Variants in CERS6 observed in about 807,000 individuals in gnomAD.
CERS6 encodes LAG1 homolog, ceramide synthase 6.
In CERS6, 26 loss-of-function variants were observed where a neutral mutation model predicts 56.8. The ratio of observed to expected loss-of-function variants is 0.46; its 90% confidence interval spans 0.34 to 0.63. The LOEUF (loss-of-function observed/expected upper bound fraction) is 0.63, where lower values mean the gene tolerates loss of function less well. Ranked by LOEUF, CERS6 falls within the 30% of genes least tolerant of loss-of-function variation. The pLI is 0.01. For missense variants in CERS6, 415 were observed against 467.5 expected, an observed-to-expected ratio of 0.89 and a Z score of 1.04; for synonymous variants, 164 against 173.3, an observed-to-expected ratio of 0.95 and a Z score of 0.42.
rs537518568 is a variant in CERS6 at position 168,734,599 on chromosome 2, CATCT to C, written c.845+16625_845+16628del. Among the ~76,000 whole-genome samples the C allele has an allele frequency of 1.3e-4, 20 of 152,270 alleles. No homozygotes were observed. In the East Asian group the frequency reaches 3.1e-3, roughly 24 times the overall value. ...ACACATCAGCATGGCTGTATTTGGCCATCTATCAGTAGTCAACGGTTAATCAGAC... is the reference window on the plus strand; with the variant it reads ...ACACATCAGCATGGCTGTATTTGGCCATCAGTAGTCAACGGTTAATCAGAC... On this transcript the variant is annotated intron_variant, in intron 8 of 9. Coordinates refer to ENST00000305747, the MANE Select transcript of CERS6 (RefSeq NM_203463.3).
chr2:168,508,361 G>A (rs1694718237), intron 1 of CERS6, among the ~76,000 whole-genome samples: 1 of 152,158 alleles, frequency 6.6e-6, no homozygotes, highest in Non-Finnish European at 1.5e-5. Context: ...AAAAGGTTGG[G>A]TTAATTGCAT....
At chr2:168,633,936 CTT>C (rs1684806151) in intron 4 of CERS6, among the ~76,000 whole-genome samples, 1 of 152,206 alleles carries the variant, frequency 6.6e-6, no homozygotes. Flanking sequence ...ACAGCTGCCT[CTT>C]ACTTCTAGAA....
At chr2:168,568,285 G>A (rs1695919794) in intron 3 of CERS6, among the ~76,000 whole-genome samples, 2 of 152,096 alleles carry the variant, frequency 1.3e-5, no homozygotes, top group Admixed American at 1.3e-4. Flanking sequence ...GAATTGGATG[G>A]TAATAAAGAG....
intron 3 of CERS6, among the ~76,000 whole-genome samples, chr2:168,627,602 A>G (rs1574110455): frequency 6.9e-6 from 1 of 144,490 alleles, no homozygotes; most frequent in African/African-American, 2.5e-5. Flanking sequence ...GTGTGTGTTG[A>G]CTTGTTGTTT....
chr2:168,492,664 G>C (rs1270914475), intron 1 of CERS6, among the ~76,000 whole-genome samples: 1 of 152,098 alleles, frequency 6.6e-6, no homozygotes, highest in Non-Finnish European at 1.5e-5. Context: ...ATTGCTTTTG[G>C]TGTTTTAGTC....
chr2:168,554,137 T>C (rs1433630206), intron 2 of CERS6, among the ~76,000 whole-genome samples: 1 of 151,726 alleles, frequency 6.6e-6, no homozygotes. Flanking sequence ...GGATAACCAC[T>C]AGAACAAAAA....
chr2:168,667,472 G>A (rs1685791767), intron 4 of CERS6, among the ~76,000 whole-genome samples: 1 of 152,138 alleles, frequency 6.6e-6, no homozygotes, highest in Non-Finnish European at 1.5e-5. Context: ...TTCTGCACTC[G>A]ATATGTTTTG....
chr2:168,562,112 G>A (rs1428058581), intron 3 of CERS6, among the ~76,000 whole-genome samples: 3 of 152,108 alleles, frequency 2.0e-5, no homozygotes, highest in African/African-American at 4.8e-5. Context: ...TTCTTCTTTC[G>A]GGAGCTGTTT....
At chr2:168,572,314 A>G (rs886866739) in intron 3 of CERS6, among the ~76,000 whole-genome samples, 7 of 152,124 alleles carry the variant, frequency 4.6e-5, no homozygotes, top group African/African-American at 1.4e-4. Context: ...TGAGGTATTT[A>G]TACAGTTCAG....
intron 8 of CERS6, among the ~76,000 whole-genome samples, chr2:168,746,244 T>C (rs776687585): frequency 1.3e-4 from 20 of 152,354 alleles, no homozygotes; most frequent in Admixed American, 3.3e-4. Flanking sequence ...ACCTCACTTA[T>C]AGCCAGAGAC....
chr2:168,765,783 A>C, intron 9 of CERS6, 35 bp downstream of exon 9: 1 of 1,579,766 alleles, frequency 6.3e-7, no homozygotes, highest in Non-Finnish European at 8.6e-7. Context: ...ATATGTCTTA[A>C]AAAATTTTGT....
intron 6 of CERS6, among the ~76,000 whole-genome samples, chr2:168,712,948 C>T (rs1311087680): frequency 6.6e-6 from 1 of 151,978 alleles, no homozygotes; most frequent in Non-Finnish European, 1.5e-5. Context: ...GCAACCAGGA[C>T]TCCTCACCCT....
At chr2:168,694,288 G>A (rs1365983171) in intron 5 of CERS6, among the ~76,000 whole-genome samples, 1 of 152,026 alleles carries the variant, frequency 6.6e-6, no homozygotes, top group East Asian at 1.9e-4. Context: ...GTTAAAGCAG[G>A]TATCACTCCC....
At chr2:168,716,924 A>C (rs1414049528) in intron 7 of CERS6, among the ~76,000 whole-genome samples, 1 of 151,984 alleles carries the variant, frequency 6.6e-6, no homozygotes, top group African/African-American at 2.4e-5. Context: ...TGACTCAGTT[A>C]ATTTAAGTTT....
intron 4 of CERS6, among the ~76,000 whole-genome samples, chr2:168,656,989 G>C (rs559775775): frequency 2.2e-4 from 34 of 152,074 alleles, no homozygotes; most frequent in African/African-American, 5.8e-4. Flanking sequence ...GATTGGTGCA[G>C]TCACAAACCT....
intron 1 of CERS6, among the ~76,000 whole-genome samples, chr2:168,510,506 C>T (rs762944474): frequency 9.2e-5 from 14 of 152,126 alleles, no homozygotes; most frequent in Non-Finnish European, 1.9e-4. Context: ...GTGTAGTGGA[C>T]GATACCTTCC....
chr2:168,636,177 C>T (rs1174626469), intron 4 of CERS6, among the ~76,000 whole-genome samples: 1 of 152,092 alleles, frequency 6.6e-6, no homozygotes, highest in African/African-American at 2.4e-5. Context: ...CCCTAAAGAT[C>T]ACCTATCCCA....
rs748012986 is a variant in CERS6, at chr2:168,456,416, C to T, written c.-33C>T. 22 of 1,544,594 alleles carry T rather than the reference C, an allele frequency of 1.4e-5. No individual in the cohort carries two copies. The highest frequency in any genetic ancestry group is 1.8e-5 in the Non-Finnish European group (21 of 1,141,102). On this transcript the variant is annotated 5_prime_UTR_variant, in exon 1 of 10. Transcript: ENST00000305747. The surrounding 1 kb of genome is among the most constrained non-coding windows in gnomAD (Gnocchi z 4.1). ...GCGCGGTGGAGAGCTTGGCGGGCTG[C>T]GGGTGCCGCAGGACAGGAGTGGACA... is the stretch of plus-strand genomic sequence containing the variant.
chr2:168,650,638 A>G (rs1437244598), intron 4 of CERS6, among the ~76,000 whole-genome samples: 1 of 150,858 alleles, frequency 6.6e-6, no homozygotes, highest in Non-Finnish European at 1.5e-5. Context: ...GCAGTATCTG[A>G]TTGCTTTTAT....
Sources: allele counts gnomAD v4.1 joint callset (sites outside exome capture counted in the v4.1 genomes callset), GRCh38; gene constraint gnomAD v4.1.1; non-coding constraint Gnocchi (gnomAD v3.1); transcripts MANE v1.5; gene names NCBI Gene and HGNC (gene_info 2026-07-23, HGNC 2026-07-21).